Variants in SHROOM2 observed in about 807,000 individuals in gnomAD.
The protein encoded by SHROOM2 is shroom family member 2.
A neutral mutation model predicts 75.9 loss-of-function variants in SHROOM2; 33 were observed. That is an observed-to-expected ratio of 0.43 (90% CI 0.33 to 0.58). The LOEUF is 0.58. Ranked by LOEUF, SHROOM2 falls within the 20% of genes least tolerant of loss-of-function variation. The pLI is 0.04. For synonymous variants in SHROOM2, 655 were observed against 663.6 expected, an observed-to-expected ratio of 0.99 and a Z score of 0.20; for missense variants, 1,434 against 1,461.2, an observed-to-expected ratio of 0.98 and a Z score of 0.30.
chrX:9,896,576 A>C lies in SHROOM2; in HGVS notation c.2668A>C (p.Arg890=). 3 of 1,210,850 alleles carry C rather than the reference A, an allele frequency of 2.5e-6. No homozygotes were observed. The highest frequency in any genetic ancestry group is 3.4e-6 in the Non-Finnish European group (3 of 895,092). Residue 890 remains arginine (R), a synonymous_variant, in exon 4 of 10, where the codon AGG becomes CGG. Transcript: ENST00000380913. ...WKEQRKPLEA[R]SSGRCHSADD... ...GGAACAGAGGAAACCTCTGGAGGCC[A>C]GGAGCTCTGGGCGCTGCCACTCAGC...
intron 1 of SHROOM2, among the ~76,000 whole-genome samples, chrX:9,840,101 C>T (rs947781097): frequency 1.8e-5 from 2 of 111,780 alleles, no homozygotes; most frequent in Non-Finnish European, 3.8e-5. Context: ...CATTTCTAGG[C>T]CCTCTTGATA....
At chrX:9,885,351 C>T (rs761300974) in intron 2 of SHROOM2, among the ~76,000 whole-genome samples, 76 of 109,767 alleles carry the variant, frequency 6.9e-4, no homozygotes, top group African/African-American at 2.4e-3. Context: ...CTCTAGGTGG[C>T]GCCAGAGCAC....
chrX:9,922,026 G>A (rs2084549833), intron 5 of SHROOM2, among the ~76,000 whole-genome samples: 1 of 111,444 alleles, frequency 9.0e-6, no homozygotes, highest in African/African-American at 3.3e-5. Flanking sequence ...TTGAAGGAAG[G>A]AGTTTCAAAG....
rs550963007 is a variant in SHROOM2, at chrX:9,898,307, T to C, written c.2891+17T>C. Reference sequence around the variant, plus strand: ...CACGCCGAGGTGGGTGAAATTTGGATTCAGAGTTACTGAAGAGGCGTCTGA... The same window carrying C: ...CACGCCGAGGTGGGTGAAATTTGGACTCAGAGTTACTGAAGAGGCGTCTGA... On this transcript the variant is annotated intron_variant, in intron 5 of 9. Transcript: ENST00000380913. The C allele has an allele frequency of 3.6e-6, 4 of 1,122,779 alleles. No individual in the cohort carries two copies. The African/African-American group carries it at 7.2e-5, about 20-fold the overall frequency. The allele number at this position is 1,122,779 out of a possible 1,213,427, so 92.5% of individuals were successfully genotyped here. A position where few individuals can be genotyped will look rare whatever the true frequency, so the allele number is the denominator to read the frequency against.
In SHROOM2 at chrX:9,932,186, C is replaced by A; in HGVS notation, c.2903C>A (p.Ala968Asp). 8.8e-7 allele frequency: 1 copy of A among 1,133,630 alleles called. No individual in the cohort carries two copies. Among genetic ancestry groups the A allele is most frequent in the Admixed American group, 3.1e-5 (1 of 32,769 alleles). 93.4% of individuals were successfully genotyped at this position (1,133,630 alleles called of 1,213,427 possible). The change falls in exon 6 of 10, where the codon GCC becomes GAC. Residue 968 changes from alanine (A) to aspartate (D), a missense_variant. Physicochemically the swap from Ala to Asp is moderately radical, Grantham distance 126. This residue lies in a region of SHROOM2 where 1,340 missense variants were observed against 1,338.3 expected (regional missense o/e 1.00). Coordinates refer to ENST00000380913, the MANE Select transcript of SHROOM2 (RefSeq NM_001649.4). ...EGQSTPRQAD[A>D]QCREGSPGSQ... ...TGTTCTTCCTCTAGACAAGCAGATG[C>A]CCAGTGTCGGGAAGGCAGCCCAGGA...
At chrX:9,857,876 G>A (rs1376679629) in intron 1 of SHROOM2, among the ~76,000 whole-genome samples, 3 of 110,766 alleles carry the variant, frequency 2.7e-5, no homozygotes, top group Non-Finnish European at 5.7e-5. Flanking sequence ...TGCTCCTTCA[G>A]AAGGAAGGAC....
intron 1 of SHROOM2, among the ~76,000 whole-genome samples, chrX:9,839,951 G>T: frequency 1.8e-5 from 2 of 111,434 alleles, no homozygotes; most frequent in Middle Eastern, 9.2e-3. Context: ...TCCGAGTTTG[G>T]GTAAGACTTG....
intron 5 of SHROOM2, among the ~76,000 whole-genome samples, chrX:9,913,453 T>C (rs2084452132): frequency 8.9e-6 from 1 of 112,551 alleles, no homozygotes; most frequent in Non-Finnish European, 1.9e-5. Context: ...ATGTGCTTTT[T>C]CCCCCATTTT....
At chrX:9,806,281 G>A (rs1408049204) in intron 1 of SHROOM2, among the ~76,000 whole-genome samples, 1 of 110,522 alleles carries the variant, frequency 9.0e-6, no homozygotes, top group African/African-American at 3.3e-5. Flanking sequence ...CAGGCACATC[G>A]CTGGGGCCCA....
chrX:9,836,822 A>G (rs1351058515), intron 1 of SHROOM2, among the ~76,000 whole-genome samples: 1 of 111,420 alleles, frequency 9.0e-6, no homozygotes, highest in Non-Finnish European at 1.9e-5. Flanking sequence ...ATTCAATTTT[A>G]GATCCTTTCC....
At chrX:9,802,953 G>A (rs1368345384) in intron 1 of SHROOM2, among the ~76,000 whole-genome samples, 1 of 95,183 alleles carries the variant, frequency 1.1e-5, no homozygotes, top group Non-Finnish European at 2.0e-5. Context: ...AAATGAAACA[G>A]CATCTTGCTG....
chrX:9,914,009 AAACATT>A (rs1366463786), intron 5 of SHROOM2, among the ~76,000 whole-genome samples: 1 of 109,971 alleles, frequency 9.1e-6, no homozygotes. Context: ...ATAGTGGCAA[AAACATT>A]TTATACTTTG....
chrX:9,815,478 GTGTA>G (rs1402476257), intron 1 of SHROOM2, among the ~76,000 whole-genome samples: 6 of 80,920 alleles, frequency 7.4e-5, no homozygotes, highest in African/African-American at 2.4e-4. Context: ...GTGTGTGTGT[GTGTA>G]TATAATATCT....
intron 1 of SHROOM2, among the ~76,000 whole-genome samples, chrX:9,808,638 G>T (rs891046167): frequency 3.6e-5 from 4 of 110,765 alleles, no homozygotes; most frequent in African/African-American, 1.3e-4. Context: ...AAGGTGGGTG[G>T]ATCACCTGAG....
At chrX:9,905,973 C>G (rs1333570833) in intron 5 of SHROOM2, among the ~76,000 whole-genome samples, 6 of 111,613 alleles carry the variant, frequency 5.4e-5, no homozygotes, top group Admixed American at 4.8e-4. Flanking sequence ...ATAGCTGGGC[C>G]AAGAAGCAGC....
At chrX:9,810,348 C>A (rs1267287967) in intron 1 of SHROOM2, among the ~76,000 whole-genome samples, 1 of 111,221 alleles carries the variant, frequency 9.0e-6, no homozygotes, top group East Asian at 2.8e-4. Flanking sequence ...CATGGTAATA[C>A]TAAGAGACGC....
rs188522198 is a variant in SHROOM2, at chrX:9,916,629, T to C, written c.2892-15546T>C. On this transcript the variant is annotated intron_variant, in intron 5 of 9. Coordinates refer to ENST00000380913, the MANE Select transcript of SHROOM2 (RefSeq NM_001649.4). ...TGTCAATATTAGACATTTTTAAAAT[T>C]CTGTGGTTTGATAGGCAAAAAAGTT... 1.2e-4 allele frequency among the ~76,000 whole-genome samples: 13 copies of C among 112,395 alleles called. No homozygotes were observed. The Admixed American group carries it at 1.2e-3, about 11-fold the overall frequency.
At chrX:9,927,945 G>A (rs1249850838) in intron 5 of SHROOM2, among the ~76,000 whole-genome samples, 1 of 111,703 alleles carries the variant, frequency 9.0e-6, no homozygotes, top group African/African-American at 3.3e-5. Context: ...CATGGGGCTG[G>A]CTGTCTCGTC....
intron 1 of SHROOM2, 147 bp downstream of exon 1, chrX:9,786,857 G>GC: frequency 5.6e-6 from 2 of 355,593 alleles, no homozygotes; most frequent in Non-Finnish European, 7.9e-6. Flanking sequence ...GGGCCTGGGC[G>GC]CCGGGACCGG....
Sources: allele counts gnomAD v4.1 joint callset (sites outside exome capture counted in the v4.1 genomes callset), GRCh38; gene constraint gnomAD v4.1.1; regional missense constraint gnomAD v4.1.1; transcripts MANE v1.5; gene names NCBI Gene and HGNC (gene_info 2026-07-23, HGNC 2026-07-21).